LONP2: variants seen among roughly 807,000 people sequenced by gnomAD.
LONP2 encodes lon protease homolog 2, peroxisomal.
Under a neutral mutation model 85.6 loss-of-function variants are expected in LONP2, and 60 were observed. The ratio of observed to expected loss-of-function variants is 0.70; its 90% confidence interval spans 0.57 to 0.87. The LOEUF (loss-of-function observed/expected upper bound fraction) is 0.87. Among genes scored for constraint, LONP2 ranks in the 40% least tolerant of loss-of-function variants. The probability of loss-of-function intolerance (pLI) is 0.00; values close to 1 mark genes in which losing one functional copy is unlikely to be tolerated. For synonymous variants in LONP2, 395 were observed against 389.7 expected (o/e 1.01, Z -0.16); for missense variants, 860 against 1,063.5 (o/e 0.81, Z 2.66).
intron 11 of LONP2, among the ~76,000 whole-genome samples, chr16:48,326,851 G>A (rs1959250759): frequency 1.3e-5 from 2 of 152,230 alleles, no homozygotes; most frequent in African/African-American, 2.4e-5. Context: ...TTTGGCTATT[G>A]GGCCTGTTTT....
At chr16:48,306,420 TAC>T (rs1972912719) in intron 11 of LONP2, among the ~76,000 whole-genome samples, 1 of 152,238 alleles carries the variant, frequency 6.6e-6, no homozygotes, top group Non-Finnish European at 1.5e-5. Flanking sequence ...GTGTGAGAAC[TAC>T]AGTTTTTCAT....
In LONP2 at chr16:48,258,713, A is replaced by G. The variant is rs770859513; in HGVS notation, c.696A>G (p.Arg232=). 6.2e-7 allele frequency: 1 copy of G among 1,612,314 alleles called. No homozygotes were observed. The highest frequency in any genetic ancestry group is 8.5e-7 in the Non-Finnish European group (1 of 1,179,370). The part of the protein sequence containing the change: ...IEGLKLLQKT[R]KPKQDDDKRV... ...GCCTGAAATTGCTTCAAAAAACCAG[A>G]AAACCCAAGCAAGATGATGATAAGA... The change falls in exon 4 of 15, where the codon AGA becomes AGG. Residue 232 remains arginine (R), a synonymous_variant. Transcript: ENST00000285737.
At position 48,254,036 on chromosome 16, in the gene LONP2, A is replaced by T. The variant is rs189668311; in HGVS notation, c.468+1671A>T. ...CTACTTCTACTTCTGCATCTCTTCA[A>T]TGAACTTCTTCAATAGCATCCTGTC... On this transcript the variant is annotated intron_variant, in intron 2 of 14. Transcript: ENST00000285737. Among the ~76,000 whole-genome samples, 3 of 152,158 alleles carry T rather than the reference A, an allele frequency of 2.0e-5. No homozygotes were observed. In the East Asian group the frequency reaches 5.8e-4, roughly 29 times the overall value.
At chr16:48,301,802 T>C (rs1175690817) in intron 10 of LONP2, among the ~76,000 whole-genome samples, 1 of 152,372 alleles carries the variant, frequency 6.6e-6, no homozygotes, top group East Asian at 1.9e-4. Flanking sequence ...TTCCTCCTTG[T>C]ACAGCCCTTC....
At chr16:48,343,389 A>T (rs1959871428) in intron 12 of LONP2, among the ~76,000 whole-genome samples, 1 of 152,190 alleles carries the variant, frequency 6.6e-6, no homozygotes, top group Non-Finnish European at 1.5e-5. Flanking sequence ...TTAAAAACTA[A>T]TAGCATTGAT....
At chr16:48,308,610 C>T (rs941223842) in intron 11 of LONP2, among the ~76,000 whole-genome samples, 9 of 145,336 alleles carry the variant, frequency 6.2e-5, no homozygotes, top group African/African-American at 1.8e-4. Context: ...GTAGGGGTAT[C>T]GCAGCGAGAC....
intron 12 of LONP2, among the ~76,000 whole-genome samples, chr16:48,338,636 G>C (rs1183684390): frequency 1.3e-5 from 2 of 152,258 alleles, no homozygotes; most frequent in Non-Finnish European, 1.5e-5. Context: ...GGCTGGGCGC[G>C]GTGGCTCATG....
chr16:48,271,510 G>C lies in LONP2; in HGVS notation c.1241+1236G>C, dbSNP rs532163554. On this transcript the variant is annotated intron_variant, in intron 7 of 14. Coordinates refer to ENST00000285737, the MANE Select transcript of LONP2 (RefSeq NM_031490.5). Reference sequence around the variant, plus strand: ...TATCCATAGACAGGGATGGGAAACTGTTTCAGAAACTTTTCTATAAGAAAT... The same window carrying C: ...TATCCATAGACAGGGATGGGAAACTCTTTCAGAAACTTTTCTATAAGAAAT... Among the ~76,000 whole-genome samples the C allele has an allele frequency of 2.2e-4, 33 of 152,258 alleles. No individual in the cohort carries two copies. In the South Asian group the frequency reaches 6.6e-3, roughly 31 times the overall value.
chr16:48,303,041 A>T (rs1421645303), intron 10 of LONP2, 131 bp from the exon 11 acceptor site: 2 of 865,556 alleles, frequency 2.3e-6, no homozygotes, highest in Non-Finnish European at 3.5e-6. Context: ...TAAGTGTGGA[A>T]AAGTTAGTAC....
chr16:48,330,190 C>G lies in LONP2; in HGVS notation c.1796-4026C>G, dbSNP rs149730098. Among the ~76,000 whole-genome samples the G allele has an allele frequency of 7.9e-5, 12 of 152,330 alleles. No homozygotes were observed. The East Asian group carries it at 2.3e-3, about 29-fold the overall frequency. On this transcript the variant is annotated intron_variant, in intron 11 of 14. Coordinates refer to ENST00000285737, the MANE Select transcript of LONP2 (RefSeq NM_031490.5). ...TTTTATAATTTGAATTTCTTTGCTT[C>G]TCAGTGAAATAATAGTTTCTTTTAT...
chr16:48,314,751 A>G (rs1440718206), intron 11 of LONP2, among the ~76,000 whole-genome samples: 6 of 152,124 alleles, frequency 3.9e-5, no homozygotes, highest in Non-Finnish European at 8.8e-5. Context: ...CTTCCTAGGT[A>G]TTTGATCTTT....
At chr16:48,361,367 A>AT, downstream of LONP2, 1 of 527,326 alleles carries the variant, frequency 1.9e-6, no homozygotes, top group Non-Finnish European at 3.4e-6. Flanking sequence ...ATATACATAT[A>AT]TTTTTTCAGT....
chr16:48,252,301 A>G lies in LONP2; in HGVS notation c.404A>G (p.Asn135Ser), dbSNP rs774941262. The change falls in exon 2 of 15, where the codon AAC (asparagine) becomes AGC (serine). Residue 135 changes from asparagine (N) to serine (S), a missense_variant. Coordinates refer to ENST00000285737, the MANE Select transcript of LONP2 (RefSeq NM_031490.5). The part of the protein sequence containing the change: ...EQLDRLEEFP[N>S]TCKMREELGE... ...TTGGACCGACTTGAGGAGTTTCCCAACACCTGTAAAATGAGGGAGGAGCTA... is the reference window on the plus strand; with the variant it reads ...TTGGACCGACTTGAGGAGTTTCCCAGCACCTGTAAAATGAGGGAGGAGCTA... 5.6e-6 allele frequency: 9 copies of G among 1,613,910 alleles called. No individual in the cohort carries two copies. The African/African-American group carries it at 6.7e-5, about 12-fold the overall frequency.
At chr16:48,305,182 T>C (rs1215365406) in intron 11 of LONP2, among the ~76,000 whole-genome samples, 1 of 152,164 alleles carries the variant, frequency 6.6e-6, no homozygotes, top group Non-Finnish European at 1.5e-5. Context: ...TTATGTGGAG[T>C]AGGAGTAGAG....
chr16:48,245,721 G>A (rs1971337425), intron 1 of LONP2, among the ~76,000 whole-genome samples: 1 of 152,168 alleles, frequency 6.6e-6, no homozygotes. Context: ...ATGTTGGAAA[G>A]GTAATATTTT....
chr16:48,347,927 TTAGAG>T (rs1960020154), intron 13 of LONP2, among the ~76,000 whole-genome samples, 168 bp from the exon 14 acceptor site: 1 of 152,248 alleles, frequency 6.6e-6, no homozygotes, highest in Non-Finnish European at 1.5e-5. Context: ...TTAATACGAC[TTAGAG>T]TAGAATGGAA....
At chr16:48,293,715 C>T (rs1195112629) in intron 8 of LONP2, among the ~76,000 whole-genome samples, 3 of 152,046 alleles carry the variant, frequency 2.0e-5, no homozygotes, top group Non-Finnish European at 4.4e-5. Context: ...AGAACAGATA[C>T]GTATGGGTAT....
intron 8 of LONP2, among the ~76,000 whole-genome samples, chr16:48,283,922 C>T (rs1972382863): frequency 6.6e-6 from 1 of 152,062 alleles, no homozygotes; most frequent in Non-Finnish European, 1.5e-5. Context: ...CCATTAAGAA[C>T]ATTCATGATT....
At chr16:48,253,556 T>C (rs79296950) in intron 2 of LONP2, among the ~76,000 whole-genome samples, 1,860 of 152,282 alleles carry the variant, frequency 0.012, 39 homozygotes, top group African/African-American at 0.042. Context: ...AAATTTCAGT[T>C]TGAAAACTGG....
Sources: allele counts gnomAD v4.1 joint callset (sites outside exome capture counted in the v4.1 genomes callset), GRCh38; gene constraint gnomAD v4.1.1; transcripts MANE v1.5; gene names NCBI Gene and HGNC (gene_info 2026-07-23, HGNC 2026-07-21).